The following ARSB variants were observed in gnomAD, a reference collection of about 807,000 sequenced individuals.
ARSB encodes arylsulfatase B, also known as N-acetylgalactosamine-4-sulfatase.
A neutral mutation model predicts 50.9 loss-of-function variants in ARSB; 41 were observed. The observed-to-expected ratio is 0.81, with a 90% CI of 0.63 to 1.04. ARSB has a LOEUF of 1.04. ARSB is among the 50% of genes least tolerant of loss of function. The probability of loss-of-function intolerance (pLI) is 0.00; values close to 1 mark genes in which losing one functional copy is unlikely to be tolerated. For missense variants in ARSB, 672 were observed against 693.3 expected (o/e 0.97, Z 0.35); for synonymous variants, 269 against 284.8 (o/e 0.94, Z 0.56).
intron 4 of ARSB, among the ~76,000 whole-genome samples, chr5:78,894,695 A>T (rs1413240570): frequency 6.6e-6 from 1 of 152,258 alleles, no homozygotes; most frequent in African/African-American, 2.4e-5. Context: ...GTTTGTTTAA[A>T]GCATTTCAAA....
At chr5:78,850,824 T>G (rs942019186) in intron 5 of ARSB, among the ~76,000 whole-genome samples, 1 of 152,254 alleles carries the variant, frequency 6.6e-6, no homozygotes. Context: ...CCGTTTCTTC[T>G]AGATTTTCTA....
At chr5:78,922,600 T>C (rs1239853122) in intron 4 of ARSB, among the ~76,000 whole-genome samples, 1 of 151,598 alleles carries the variant, frequency 6.6e-6, no homozygotes. Flanking sequence ...CCAGGCTGGC[T>C]TCAGGTGTGA....
At chr5:78,815,744 G>A (rs1040032389) in intron 6 of ARSB, 3 of 1,149,958 alleles carry the variant, frequency 2.6e-6, no homozygotes, top group Admixed American at 8.3e-5. Context: ...ATTTCCACAA[G>A]GAATGAATAA....
At chr5:78,919,341 G>C (rs1023160564) in intron 4 of ARSB, among the ~76,000 whole-genome samples, 4 of 152,180 alleles carry the variant, frequency 2.6e-5, no homozygotes, top group African/African-American at 4.8e-5. Flanking sequence ...AGTGCCAGTA[G>C]CTAGCCTGGG....
intron 3 of ARSB, among the ~76,000 whole-genome samples, chr5:78,956,796 C>G (rs1237074834): frequency 6.6e-6 from 1 of 152,148 alleles, no homozygotes; most frequent in Non-Finnish European, 1.5e-5. Context: ...TTGTCCAACT[C>G]CACATTAACC....
intron 4 of ARSB, among the ~76,000 whole-genome samples, chr5:78,931,436 C>G (rs1036342935): frequency 6.6e-6 from 1 of 152,108 alleles, no homozygotes; most frequent in Non-Finnish European, 1.5e-5. Flanking sequence ...AAAGCACCAG[C>G]ATCTATTTTC....
chr5:78,834,275 A>T (rs1458229642), intron 6 of ARSB, among the ~76,000 whole-genome samples: 1 of 152,106 alleles, frequency 6.6e-6, no homozygotes, highest in East Asian at 1.9e-4. Flanking sequence ...AATACAAACA[A>T]CATAAAATTT....
chr5:78,975,081 A>G (rs1008493071), intron 1 of ARSB, among the ~76,000 whole-genome samples: 1 of 152,046 alleles, frequency 6.6e-6, no homozygotes, highest in African/African-American at 2.4e-5. Context: ...ACTTTCCCCA[A>G]TCCCTGCACC....
At chr5:78,953,708 T>C (rs901186746) in intron 4 of ARSB, among the ~76,000 whole-genome samples, 1 of 152,138 alleles carries the variant, frequency 6.6e-6, no homozygotes, top group African/African-American at 2.4e-5. Context: ...AATTGTTAGA[T>C]TTCAGCCAAG....
At position 78,856,711 on chromosome 5, in the gene ARSB, A is replaced by G. The variant is rs183722679; in HGVS notation, c.1143-17285T>C. Among the ~76,000 whole-genome samples, 622 of 152,126 alleles carry G rather than the reference A, an allele frequency of 4.1e-3. 2 individuals carry two copies. The highest frequency in any genetic ancestry group is 6.8e-3 in the Middle Eastern group (2 of 294). On this transcript the variant is annotated intron_variant, in intron 5 of 7. Coordinates refer to ENST00000264914, the MANE Select transcript of ARSB (RefSeq NM_000046.5). Reference sequence around the variant, plus strand: ...TCATGTGTTAGCTTCTATCTTCTCTATGTCTCTCTCTACACACACACACAT... The same window carrying G: ...TCATGTGTTAGCTTCTATCTTCTCTGTGTCTCTCTCTACACACACACACAT...
intron 4 of ARSB, among the ~76,000 whole-genome samples, chr5:78,897,773 A>G (rs1437358197): frequency 6.6e-6 from 1 of 151,964 alleles, no homozygotes; most frequent in Non-Finnish European, 1.5e-5. Flanking sequence ...GATCTAAAAT[A>G]TATTCTATAA....
chr5:78,954,529 C>T (rs1580120268), intron 4 of ARSB, among the ~76,000 whole-genome samples: 1 of 151,992 alleles, frequency 6.6e-6, no homozygotes, highest in East Asian at 1.9e-4. Flanking sequence ...TTTTGAGACA[C>T]AGTCTCACTC....
intron 4 of ARSB, among the ~76,000 whole-genome samples, chr5:78,914,762 G>A (rs1749466759): frequency 6.6e-6 from 1 of 152,152 alleles, no homozygotes; most frequent in Admixed American, 6.5e-5. Flanking sequence ...TCTCCGCCAG[G>A]TTCAAGCGAT....
At chr5:78,797,322 A>G (rs568833675) in intron 6 of ARSB, among the ~76,000 whole-genome samples, 1 of 152,218 alleles carries the variant, frequency 6.6e-6, no homozygotes, top group East Asian at 1.9e-4. Context: ...CATCTCTTCA[A>G]TGTTTTCGTT....
At chr5:78,870,624 T>C (rs1360528648) in intron 5 of ARSB, among the ~76,000 whole-genome samples, 11 of 151,642 alleles carry the variant, frequency 7.3e-5, no homozygotes, top group Admixed American at 5.3e-4. Context: ...ACACTTCATG[T>C]TAAAAACTCT....
intron 4 of ARSB, among the ~76,000 whole-genome samples, chr5:78,914,520 A>G (rs934182658): frequency 1.3e-5 from 2 of 152,190 alleles, no homozygotes; most frequent in African/African-American, 4.8e-5. Context: ...CTATTATTTA[A>G]CAATATAAAA....
In ARSB at chr5:78,929,813, A is replaced by G. The variant is rs867565295; in HGVS notation, c.898+25482T>C. 8.3e-4 allele frequency among the ~76,000 whole-genome samples: 120 copies of G among 144,982 alleles called. 1 individual carries two copies. The highest frequency in any genetic ancestry group is 2.8e-3 in the African/African-American group (107 of 38,848). On this transcript the variant is annotated intron_variant, in intron 4 of 7. Transcript: ENST00000264914. ...GTCTCAAAAAAAAAAAAAAAAAAAG[A>G]GGGAGACTGTATCTTACTGATCTTC...
chr5:78,866,165 T>C (rs1159812820), intron 5 of ARSB, among the ~76,000 whole-genome samples: 2 of 152,142 alleles, frequency 1.3e-5, no homozygotes, highest in South Asian at 2.1e-4. Flanking sequence ...CAAGACTGGG[T>C]AATTTACCAA....
Position 78,849,916 on chromosome 5 carries a change from C to T in ARSB, c.1143-10490G>A, listed in dbSNP as rs538318642. The stretch of plus-strand genomic sequence containing the variant: ...TGATTTTTGTACATTGATTTTGCAT[C>T]CTGAGACTTTGCTGAAGTTGCTTAT... On this transcript the variant is annotated intron_variant, in intron 5 of 7. Transcript: ENST00000264914. Among the ~76,000 whole-genome samples, 1,127 of 151,168 alleles carry T rather than the reference C, an allele frequency of 7.5e-3. 17 individuals are homozygous for T. The highest frequency in any genetic ancestry group is 0.026 in the African/African-American group (1,081 of 41,330).
Sources: gnomAD v4.1 joint callset for allele counts (sites outside exome capture counted in the v4.1 genomes callset) on GRCh38, gnomAD v4.1.1 for gene constraint, MANE v1.5 for transcripts, NCBI Gene and HGNC (gene_info 2026-07-23, HGNC 2026-07-21) for gene names.